MEF2C: variants seen among roughly 807,000 people sequenced by gnomAD.
MEF2C encodes the protein myocyte enhancer factor 2C.
In MEF2C, 6 loss-of-function variants were observed where a neutral mutation model predicts 50.5. The ratio of observed to expected loss-of-function variants is 0.12; its 90% CI spans 0.07 to 0.23. MEF2C has a LOEUF of 0.23. Among genes scored for constraint, MEF2C ranks in the 10% least tolerant of loss-of-function variants. The pLI is 1.00. For synonymous variants in MEF2C, 183 were observed against 228.0 expected (o/e 0.80, Z 1.78); for missense variants, 276 against 605.0 (o/e 0.46, Z 5.70).
chr5:88,900,510 A>G (rs1835543526), intron 1 of MEF2C, among the ~76,000 whole-genome samples: 1 of 151,830 alleles, frequency 6.6e-6, no homozygotes, highest in Non-Finnish European at 1.5e-5. Flanking sequence ...TATTTCATAT[A>G]CATTCATAAA....
chr5:88,746,157 C>A (rs575414805), intron 6 of MEF2C, among the ~76,000 whole-genome samples: 1 of 152,066 alleles, frequency 6.6e-6, no homozygotes, highest in African/African-American at 2.4e-5. Context: ...TGAATGATGA[C>A]CTACAGTTAG....
At chr5:88,791,590 T>C (rs1793773952) in intron 3 of MEF2C, among the ~76,000 whole-genome samples, 1 of 152,160 alleles carries the variant, frequency 6.6e-6, no homozygotes, top group African/African-American at 2.4e-5. Flanking sequence ...AAATGAGATG[T>C]GAAGCAGCTC....
intron 1 of MEF2C, among the ~76,000 whole-genome samples, chr5:88,893,866 T>C (rs1383531371): frequency 2.0e-5 from 3 of 152,154 alleles, no homozygotes; most frequent in African/African-American, 7.2e-5. Context: ...AAAACCAGTT[T>C]GTTTCACCAA....
chr5:88,869,318 C>CACATATAT (rs1828771865), intron 1 of MEF2C, among the ~76,000 whole-genome samples: 2 of 80,852 alleles, frequency 2.5e-5, no homozygotes, highest in Non-Finnish European at 5.2e-5. Context: ...TATATATACA[C>CACATATAT]ATATAGCTTC....
chr5:88,762,739 C>A (rs1316064397), intron 3 of MEF2C, among the ~76,000 whole-genome samples: 2 of 151,970 alleles, frequency 1.3e-5, no homozygotes, highest in African/African-American at 4.8e-5. Context: ...CTGGTACCAC[C>A]AAGATCCGTT....
intron 3 of MEF2C, chr5:88,785,284 ACACACACAC>A (rs1258124048): frequency 3.0e-5 from 1 of 32,938 alleles, no homozygotes; most frequent in Non-Finnish European, 1.1e-4. Context: ...TGGCATACAC[ACACACACAC>A]ACACACACAC....
In MEF2C at chr5:88,765,782, T is replaced by C. The variant is rs186773130; in HGVS notation, c.259-4454A>G. 4.0e-3 allele frequency among the ~76,000 whole-genome samples: 610 copies of C among 152,336 alleles called. 4 individuals are homozygous for C. The highest frequency in any genetic ancestry group is 0.013 in the South Asian group (64 of 4,826). On this transcript the variant is annotated intron_variant, in intron 3 of 10. Coordinates refer to ENST00000504921, the MANE Select transcript of MEF2C (RefSeq NM_002397.5). ...CGTTTTGAAAAGATTTATTCATGTA[T>C]GTCAAGATAAGGCAAGAGATCTCCT...
chr5:88,728,182 CCTT>C (rs1394775352), intron 10 of MEF2C, among the ~76,000 whole-genome samples: 3 of 151,752 alleles, frequency 2.0e-5, no homozygotes, highest in Non-Finnish European at 4.4e-5. Context: ...ACTATAAATG[CCTT>C]CTTATGTCCC....
At chr5:88,891,857 A>G (rs1834614495) in intron 1 of MEF2C, among the ~76,000 whole-genome samples, 1 of 151,932 alleles carries the variant, frequency 6.6e-6, no homozygotes, top group Admixed American at 6.6e-5. Flanking sequence ...TTTTAATGCC[A>G]TGTTTGTATT....
At chr5:88,880,110 C>T (rs1832354430) in intron 1 of MEF2C, among the ~76,000 whole-genome samples, 1 of 151,926 alleles carries the variant, frequency 6.6e-6, no homozygotes, top group African/African-American at 2.4e-5. Context: ...ACCTGTCTTT[C>T]CACATGCAGC....
intron 1 of MEF2C, among the ~76,000 whole-genome samples, chr5:88,849,019 C>T (rs936376202): frequency 2.6e-5 from 4 of 151,740 alleles, no homozygotes; most frequent in Non-Finnish European, 5.9e-5. Flanking sequence ...GGCATGGTGG[C>T]GCCTGCCTGT....
At chr5:88,860,949 T>C (rs1825292389) in intron 1 of MEF2C, among the ~76,000 whole-genome samples, 2 of 152,178 alleles carry the variant, frequency 1.3e-5, no homozygotes, top group African/African-American at 4.8e-5. Context: ...CCAAATATTT[T>C]AGGGAGTCTA....
chr5:88,823,986 A>C (rs1809715285), intron 1 of MEF2C, 56 bp from the exon 2 acceptor site: 1 of 1,328,026 alleles, frequency 7.5e-7, no homozygotes, highest in African/African-American at 1.5e-5. Flanking sequence ...TTTCATAAGA[A>C]CTATCATATT....
chr5:88,731,790 T>A lies in MEF2C; in HGVS notation c.749A>T (p.Asn250Ile). 1.9e-6 allele frequency: 3 copies of A among 1,613,464 alleles called. No individual in the cohort carries two copies. The highest frequency in any genetic ancestry group is 1.7e-6 in the Non-Finnish European group (2 of 1,179,530). Residue 250 changes from asparagine (N) to isoleucine (I), a missense_variant, in exon 7 of 11, where the codon AAC becomes ATC. Asn to Ile is a moderately radical substitution (Grantham distance 149). This residue lies in a region of MEF2C where 256 missense variants were observed against 468.1 expected (regional missense o/e 0.55). Coordinates refer to ENST00000504921, the MANE Select transcript of MEF2C (RefSeq NM_002397.5). ...SPPPMNLGMN[N>I]RKPDLRVLIP... ...AAGAACTCGGAGATCTGGTTTACGG[T>A]TATTCATTCCTAAATTCATTGGGGG... is the stretch of plus-strand genomic sequence containing the variant.
chr5:88,773,969 G>C (rs901154206), intron 3 of MEF2C, among the ~76,000 whole-genome samples: 1 of 152,238 alleles, frequency 6.6e-6, no homozygotes, highest in Admixed American at 6.5e-5. Context: ...ATAATGGGTA[G>C]ATGGTTGCTG....
At position 88,891,393 on chromosome 5, in the gene MEF2C, C is replaced by CTTTTTT. The variant is rs771799863; in HGVS notation, c.-239-3801_-239-3796dup. ...TCAGAAATGTTAATAACCAACCAAC[C>CTTTTTT]TTTTTTTTTTTTTTTTTTTTTTGAG... is the stretch of plus-strand genomic sequence containing the variant. On this transcript the variant is annotated intron_variant, in intron 1 of 11. Coordinates refer to the MEF2C transcript ENST00000340208. 1.0e-3 allele frequency among the ~76,000 whole-genome samples: 106 copies of CTTTTTT among 104,844 alleles called. 5 individuals are homozygous for CTTTTTT. Among genetic ancestry groups the CTTTTTT allele is most frequent in the African/African-American group, 3.8e-3 (91 of 24,076 alleles). 68.8% of individuals were successfully genotyped at this position (104,844 alleles called of 152,430 possible). A position where few individuals can be genotyped will look rare whatever the true frequency, so the allele number is the denominator to read the frequency against.
chr5:88,797,749 T>C (rs1048510088), intron 3 of MEF2C, among the ~76,000 whole-genome samples: 1 of 152,182 alleles, frequency 6.6e-6, no homozygotes, highest in African/African-American at 2.4e-5. Flanking sequence ...TCAATGGTCT[T>C]TACAATTTGA....
chr5:88,734,721 T>C (rs1002743469), intron 6 of MEF2C: 5 of 983,790 alleles, frequency 5.1e-6, no homozygotes, highest in Non-Finnish European at 6.0e-6. Flanking sequence ...TTGTAGCTTT[T>C]CATTCAGTAA....
At chr5:88,803,404 A>G (rs1223234012) in intron 3 of MEF2C, among the ~76,000 whole-genome samples, 1 of 152,206 alleles carries the variant, frequency 6.6e-6, no homozygotes, top group Non-Finnish European at 1.5e-5. Flanking sequence ...TAACAGGTAA[A>G]AGGGAGATGG....
Sources: gnomAD v4.1 joint callset for allele counts (sites outside exome capture counted in the v4.1 genomes callset) on GRCh38, gnomAD v4.1.1 for gene constraint, gnomAD v4.1.1 regional missense constraint, MANE v1.5 for transcripts, NCBI Gene and HGNC (gene_info 2026-07-23, HGNC 2026-07-21) for gene names.